CCDC15: variants seen among roughly 807,000 people sequenced by gnomAD.
CCDC15 encodes the protein coiled-coil domain-containing protein 15.
Under a neutral mutation model 114.5 loss-of-function variants are expected in CCDC15, and 105 were observed. The ratio of observed to expected loss-of-function variants is 0.92; its 90% CI spans 0.78 to 1.08. The LOEUF is 1.08. Among genes scored for constraint, CCDC15 ranks in the 50% least tolerant of loss-of-function variants. The pLI, the probability that CCDC15 is intolerant of heterozygous loss-of-function variation, is 0.00. For synonymous variants in CCDC15, 334 were observed against 377.8 expected (o/e 0.88, Z 1.34); for missense variants, 1,105 against 1,093.6 (o/e 1.01, Z -0.15).
At chr11:124,985,964 T>C (rs2135480053) in intron 6 of CCDC15, among the ~76,000 whole-genome samples, 1 of 152,256 alleles carries the variant, frequency 6.6e-6, no homozygotes, top group African/African-American at 2.4e-5. Flanking sequence ...TTCCTATGTG[T>C]TCTTTTAAGA....
chr11:124,969,535 T>G (rs1399441573), intron 4 of CCDC15, among the ~76,000 whole-genome samples: 2 of 152,216 alleles, frequency 1.3e-5, no homozygotes, highest in African/African-American at 4.8e-5. Flanking sequence ...TTATTCCAGC[T>G]TTTTGTTTCT....
rs373351362 is a variant in CCDC15 at position 124,992,696 on chromosome 11, G to A, written c.2139+9G>A. The A allele has an allele frequency of 5.8e-4, 835 of 1,433,560 alleles. 1 individual carries two copies. The highest frequency in any genetic ancestry group is 7.2e-4 in the Non-Finnish European group (741 of 1,031,602). 88.8% of individuals were successfully genotyped at this position (1,433,560 alleles called of 1,614,324 possible). On this transcript the variant is annotated intron_variant, in intron 10 of 15. Coordinates refer to ENST00000344762, the MANE Select transcript of CCDC15 (RefSeq NM_025004.3). ...ACTCCCCTAGAGAACAGGTAGAACC[G>A]AATACAGTAGGAGGACTGTATACCT...
chr11:125,038,238 A>G, intron 13 of CCDC15, 193 bp from the exon 14 acceptor site: 1 of 427,318 alleles, frequency 2.3e-6, no homozygotes, highest in Non-Finnish European at 4.1e-6. Flanking sequence ...CTCTTTTAAT[A>G]GTAGCCATTG....
At chr11:125,031,674 A>C (rs1466508711) in intron 13 of CCDC15, among the ~76,000 whole-genome samples, 1 of 152,142 alleles carries the variant, frequency 6.6e-6, no homozygotes, top group Admixed American at 6.5e-5. Context: ...GTTGTGATTC[A>C]CCTATGAGGG....
At chr11:124,957,505 A>G (rs750786567) in intron 2 of CCDC15, among the ~76,000 whole-genome samples, 6 of 152,116 alleles carry the variant, frequency 3.9e-5, no homozygotes, top group African/African-American at 7.2e-5. Flanking sequence ...CAGAATGAGC[A>G]CTCTAAGAAC....
chr11:124,994,223 C>A (rs1591597371), intron 11 of CCDC15, among the ~76,000 whole-genome samples: 1 of 152,128 alleles, frequency 6.6e-6, no homozygotes, highest in African/African-American at 2.4e-5. Context: ...TCTGGGTGGC[C>A]ATTAGCACCT....
chr11:124,981,183 A>G (rs1442612237), intron 6 of CCDC15, among the ~76,000 whole-genome samples: 5 of 152,032 alleles, frequency 3.3e-5, no homozygotes, highest in Non-Finnish European at 5.9e-5. Context: ...GGATTGTTTT[A>G]TGGCTGATTG....
At chr11:124,998,749 T>TC (rs1375040550) in intron 11 of CCDC15, among the ~76,000 whole-genome samples, 4 of 151,188 alleles carry the variant, frequency 2.6e-5, no homozygotes, top group Non-Finnish European at 5.9e-5. Flanking sequence ...TTTTTTTTTT[T>TC]TTTTTGGAGA....
intron 11 of CCDC15, among the ~76,000 whole-genome samples, chr11:124,998,004 A>G (rs1210989831): frequency 6.6e-6 from 1 of 152,162 alleles, no homozygotes; most frequent in Non-Finnish European, 1.5e-5. Flanking sequence ...GAACATGGAA[A>G]CTGGGGGAAA....
At chr11:124,958,021 A>G (rs1233833769) in intron 2 of CCDC15, among the ~76,000 whole-genome samples, 1 of 152,190 alleles carries the variant, frequency 6.6e-6, no homozygotes, top group Non-Finnish European at 1.5e-5. Context: ...AAAATTACTT[A>G]ATCTTTCTGA....
intron 8 of CCDC15, among the ~76,000 whole-genome samples, chr11:124,990,939 T>C (rs939091145): frequency 3.9e-5 from 6 of 152,206 alleles, no homozygotes; most frequent in African/African-American, 1.2e-4. Flanking sequence ...GGGTTGTGGT[T>C]GGACTTTTGT....
At chr11:124,965,479 G>A (rs1947758236) in intron 4 of CCDC15, among the ~76,000 whole-genome samples, 1 of 152,128 alleles carries the variant, frequency 6.6e-6, no homozygotes, top group Non-Finnish European at 1.5e-5. Flanking sequence ...TGTGGGATTG[G>A]TGGTGATATC....
intron 5 of CCDC15, among the ~76,000 whole-genome samples, chr11:124,976,719 A>G (rs555359810): frequency 5.6e-4 from 85 of 152,250 alleles, no homozygotes; most frequent in African/African-American, 2.0e-3. Context: ...CAGAAAGTGT[A>G]CTATTCACAG....
At chr11:125,033,488 T>A (rs552437111) in intron 13 of CCDC15, among the ~76,000 whole-genome samples, 10 of 152,306 alleles carry the variant, frequency 6.6e-5, no homozygotes, top group Admixed American at 2.6e-4. Flanking sequence ...ATCAAGATCT[T>A]GAAGAGCAAT....
At chr11:124,985,058 TA>T (rs1382606836) in intron 6 of CCDC15, among the ~76,000 whole-genome samples, 13 of 152,342 alleles carry the variant, frequency 8.5e-5, no homozygotes, top group African/African-American at 2.9e-4. Context: ...CTTTTGTCTG[TA>T]TAGGTTTACC....
intron 13 of CCDC15, among the ~76,000 whole-genome samples, chr11:125,022,238 C>G (rs1244996241): frequency 6.6e-6 from 1 of 151,894 alleles, no homozygotes; most frequent in Non-Finnish European, 1.5e-5. Context: ...ACCTTCCTCA[C>G]ATTCCTAGTG....
intron 13 of CCDC15, among the ~76,000 whole-genome samples, chr11:125,033,156 G>A (rs748481827): frequency 1.3e-5 from 2 of 152,148 alleles, no homozygotes; most frequent in Non-Finnish European, 2.9e-5. Flanking sequence ...ATGATTCTCT[G>A]TTTTTATATT....
At chr11:124,997,681 C>G (rs1004997932) in intron 11 of CCDC15, among the ~76,000 whole-genome samples, 1 of 152,172 alleles carries the variant, frequency 6.6e-6, no homozygotes, top group Non-Finnish European at 1.5e-5. Context: ...GTGGCTCATG[C>G]CTATAATCCC....
chr11:125,029,962 T>A (rs1331502613), intron 13 of CCDC15, among the ~76,000 whole-genome samples: 1 of 152,164 alleles, frequency 6.6e-6, no homozygotes, highest in Admixed American at 6.5e-5. Context: ...ACACTGTATC[T>A]CCCTTTTTTA....
Sources: gnomAD v4.1 joint callset for allele counts (sites outside exome capture counted in the v4.1 genomes callset) on GRCh38, gnomAD v4.1.1 for gene constraint, MANE v1.5 for transcripts, NCBI Gene and HGNC (gene_info 2026-07-23, HGNC 2026-07-21) for gene names.